The following MICAL2 variants were observed in gnomAD, a reference collection of about 807,000 sequenced individuals.
MICAL2 encodes the protein [F-actin]-monooxygenase MICAL2.
Under a neutral mutation model 127.3 loss-of-function variants are expected in MICAL2, and 77 were observed. That is an observed-to-expected ratio of 0.60 (90% CI 0.50 to 0.73). The LOEUF (loss-of-function observed/expected upper bound fraction) is 0.73, where lower values mean the gene tolerates loss of function less well. Ranked by LOEUF, MICAL2 falls within the 30% of genes least tolerant of loss-of-function variation. MICAL2 has a pLI of 0.00. For missense variants in MICAL2, 1,351 were observed against 1,434.4 expected, an observed-to-expected ratio of 0.94 and a Z score of 0.94; for synonymous variants, 570 against 551.1, an observed-to-expected ratio of 1.03 and a Z score of -0.48.
intron 30 of MICAL2, chr11:12,323,834 G>A: frequency 1.1e-6 from 1 of 931,788 alleles, no homozygotes; most frequent in Non-Finnish European, 1.5e-6. Flanking sequence ...TCATTGCAGA[G>A]AGTTCTACCA....
chr11:12,327,702 A>G, intron 32 of MICAL2, among the ~76,000 whole-genome samples: 1 of 150,892 alleles, frequency 6.6e-6, no homozygotes, highest in African/African-American at 2.5e-5. Flanking sequence ...ACCTTGGGCC[A>G]GTCACATTAT....
chr11:12,114,891 C>T (rs769504781), intron 1 of MICAL2, among the ~76,000 whole-genome samples: 2 of 152,288 alleles, frequency 1.3e-5, no homozygotes, highest in Admixed American at 6.5e-5. Context: ...GATCAGCAAC[C>T]GGCCTCCACA....
chr11:12,211,251 C>T (rs1391667908), intron 6 of MICAL2, among the ~76,000 whole-genome samples: 2 of 152,034 alleles, frequency 1.3e-5, no homozygotes, highest in Non-Finnish European at 2.9e-5. Flanking sequence ...CATGGTGGCA[C>T]GTACCTGTAG....
At chr11:12,143,960 A>C (rs1003314382) in intron 2 of MICAL2, among the ~76,000 whole-genome samples, 4 of 152,074 alleles carry the variant, frequency 2.6e-5, no homozygotes, top group South Asian at 2.1e-4. Context: ...AGAGAGAGAG[A>C]GCGCCAGGAA....
chr11:12,123,171 T>C (rs1320615650), intron 1 of MICAL2, among the ~76,000 whole-genome samples: 1 of 152,258 alleles, frequency 6.6e-6, no homozygotes. Flanking sequence ...TTAAAATTTT[T>C]ATTCTATATT....
chr11:12,245,895 G>A (rs1360994398), intron 21 of MICAL2, among the ~76,000 whole-genome samples: 1 of 152,228 alleles, frequency 6.6e-6, no homozygotes, highest in East Asian at 1.9e-4. Flanking sequence ...TGGGAGGGGA[G>A]AAGGCACCTA....
intron 15 of MICAL2, 80 bp from the exon 16 acceptor site, chr11:12,236,097 C>A: frequency 8.0e-7 from 1 of 1,244,192 alleles, no homozygotes; most frequent in Non-Finnish European, 1.2e-6. Flanking sequence ...TCAAAGCCAG[C>A]CCTATGCCCT....
intron 21 of MICAL2, among the ~76,000 whole-genome samples, chr11:12,246,602 A>T (rs1389480280): frequency 2.0e-5 from 3 of 152,120 alleles, no homozygotes; most frequent in African/African-American, 2.4e-5. Context: ...AACAAATTTA[A>T]TTTTTTTGTT....
intron 22 of MICAL2, among the ~76,000 whole-genome samples, chr11:12,251,800 G>A (rs373099812): frequency 2.6e-5 from 4 of 152,046 alleles, no homozygotes; most frequent in Admixed American, 2.0e-4. Context: ...CAGCAACCTC[G>A]CAGCCCTCTG....
At chr11:12,289,554 T>C (rs905880082), downstream of MICAL2, among the ~76,000 whole-genome samples, 59 of 32,688 alleles carry the variant, frequency 1.8e-3, no homozygotes, top group Non-Finnish European at 5.1e-3. Flanking sequence ...TGGGCACCTC[T>C]TGTTTTTTTT....
intron 21 of MICAL2, 70 bp from the exon 22 acceptor site, chr11:12,249,114 C>G (rs1861173915): frequency 6.3e-7 from 1 of 1,597,812 alleles, no homozygotes; most frequent in African/African-American, 1.3e-5. Flanking sequence ...CTTCTCTTTC[C>G]CCAGTGGAAG....
At chr11:12,125,105 C>A (rs914668649) in intron 1 of MICAL2, among the ~76,000 whole-genome samples, 6 of 152,250 alleles carry the variant, frequency 3.9e-5, no homozygotes, top group Admixed American at 6.5e-5. Context: ...CAGCCCCACC[C>A]GCCAGAGCTC....
chr11:12,173,179 G>A (rs1335531284), intron 3 of MICAL2, among the ~76,000 whole-genome samples: 1 of 152,084 alleles, frequency 6.6e-6, no homozygotes, highest in Non-Finnish European at 1.5e-5. Flanking sequence ...ACTGCAACCT[G>A]GCGTATTCTA....
Position 12,259,841 on chromosome 11 carries a change from C to T in MICAL2, c.3278C>T (p.Pro1093Leu), listed in dbSNP as rs1240666525. 1 of 1,597,108 alleles carries T rather than the reference C, an allele frequency of 6.3e-7. No homozygotes were observed. The highest frequency in any genetic ancestry group is 1.7e-5 in the Admixed American group (1 of 58,310). Reference sequence around the variant, plus strand: ...CAGGAAGCCCCTCGGAGAGACACTCCCACCGAAAGTTCTTGCGCAGTGGCC... The same window carrying T: ...CAGGAAGCCCCTCGGAGAGACACTCTCACCGAAAGTTCTTGCGCAGTGGCC... Reference protein sequence around the residue: ...QEQEAPRRDTPTESSCAVAAI... With the variant: ...QEQEAPRRDTLTESSCAVAAI... Residue 1093 changes from proline (P) to leucine (L), a missense_variant, in exon 26 of 28, where the codon CCC (proline) becomes CTC (leucine). By Grantham distance (98) the Pro-to-Leu change is moderately conservative. Around this residue, in one of 2 missense-constraint regions of MICAL2, gnomAD observed 752 missense variants for 719.4 expected, o/e 1.05. Coordinates refer to ENST00000683283, the MANE Select transcript of MICAL2 (RefSeq NM_001282663.2).
intron 24 of MICAL2, among the ~76,000 whole-genome samples, chr11:12,258,154 A>C (rs1053831193): frequency 3.3e-5 from 5 of 152,136 alleles, no homozygotes; most frequent in African/African-American, 1.2e-4. Context: ...AGGGGCTCAG[A>C]GCTCCCATGC....
intron 1 of MICAL2, among the ~76,000 whole-genome samples, chr11:12,125,104 C>G (rs867093994): frequency 1.6e-4 from 25 of 152,230 alleles, no homozygotes; most frequent in Non-Finnish European, 2.6e-4. Context: ...TCAGCCCCAC[C>G]CGCCAGAGCT....
At chr11:12,145,849 C>A (rs529440134) in intron 2 of MICAL2, among the ~76,000 whole-genome samples, 2 of 152,304 alleles carry the variant, frequency 1.3e-5, no homozygotes, top group Admixed American at 1.3e-4. Context: ...TGTGCACAAG[C>A]ATCTCAGAGG....
intron 1 of MICAL2, among the ~76,000 whole-genome samples, chr11:12,131,910 C>T (rs1164635698): frequency 1.3e-5 from 2 of 152,178 alleles, no homozygotes; most frequent in Non-Finnish European, 2.9e-5. Flanking sequence ...GGTCCAGGCT[C>T]ATAGTAAATG....
intron 30 of MICAL2, among the ~76,000 whole-genome samples, chr11:12,323,235 C>T (rs1227972975): frequency 6.6e-6 from 1 of 152,154 alleles, no homozygotes; most frequent in Admixed American, 6.5e-5. Context: ...TTAACAAGCA[C>T]AGGTACACAC....
Sources: gnomAD v4.1 joint callset for allele counts (sites outside exome capture counted in the v4.1 genomes callset) on GRCh38, gnomAD v4.1.1 for gene constraint, gnomAD v4.1.1 regional missense constraint, MANE v1.5 for transcripts, NCBI Gene and HGNC (gene_info 2026-07-23, HGNC 2026-07-21) for gene names.